CPSF4: variants seen among roughly 807,000 people sequenced by gnomAD.
The protein encoded by CPSF4 is cleavage and polyadenylation specific factor 4.
In CPSF4, 11 loss-of-function variants were observed where a neutral mutation model predicts 37.7. That is an observed-to-expected ratio of 0.29 (90% CI 0.18 to 0.48). CPSF4 has a LOEUF of 0.48. Ranked by LOEUF, CPSF4 falls within the 20% of genes least tolerant of loss-of-function variation. CPSF4 has a pLI of 0.99. For missense variants in CPSF4, 144 were observed against 359.5 expected (o/e 0.40, Z 4.85); for synonymous variants, 132 against 135.9 (o/e 0.97, Z 0.20).
In CPSF4 at chr7:99,448,035, G is replaced by A; in HGVS notation, c.155-86G>A. The A allele has an allele frequency of 7.1e-7, 1 of 1,413,754 alleles. No individual in the cohort carries two copies. Among genetic ancestry groups the A allele is most frequent in the Non-Finnish European group, 9.8e-7 (1 of 1,021,820 alleles). The allele number at this position is 1,413,754 out of a possible 1,614,324, so 87.6% of individuals were successfully genotyped here. On this transcript the variant is annotated intron_variant, in intron 2 of 7. Transcript: ENST00000292476. The surrounding 1 kb of genome is among the most constrained non-coding windows in gnomAD (Gnocchi z 4.4). ...TTCAGGTGGCTCCAGGAGTTAGGAAGTGAAGGTACCTCAGCTTCTTCAGGC... is the reference window on the plus strand; with the variant it reads ...TTCAGGTGGCTCCAGGAGTTAGGAAATGAAGGTACCTCAGCTTCTTCAGGC...
chr7:99,456,475 AC>A lies in CPSF4; in HGVS notation c.786del (p.Leu263TrpfsTer57). On this transcript the variant is annotated frameshift_variant, in exon 8 of 8. Transcript: ENST00000292476. LOFTEE classifies it high-confidence loss of function. ...TACGCCAACAGATGCACCAAAGGGC[AC>A]TTGGCCTTTCTCAGTGGACAGTGAC... ...GHYANRCTKG[H>X]LAFLSGQ 1 of 1,614,142 alleles carries A rather than the reference AC, an allele frequency of 6.2e-7. No individual in the cohort carries two copies. The highest frequency in any genetic ancestry group is 8.5e-7 in the Non-Finnish European group (1 of 1,180,034).
intron 5 of CPSF4, among the ~76,000 whole-genome samples, chr7:99,452,038 G>T (rs913906914): frequency 6.6e-6 from 1 of 152,206 alleles, no homozygotes; most frequent in Admixed American, 6.5e-5. Context: ...CCTGTGTACA[G>T]CTCCTGTGGC....
Position 99,457,335 on chromosome 7 carries a change from G to T in CPSF4, c.*835G>T, listed in dbSNP as rs1798379105. On this transcript the variant is annotated 3_prime_UTR_variant, in exon 8 of 8. Transcript: ENST00000292476. ...TGGGCCTGGCTGTGTTCAATTGCAA[G>T]AACAATTTTTATGAAATGGATTAAA... The T allele has an allele frequency of 6.5e-6, 1 of 152,754 alleles. No homozygotes were observed. The highest frequency in any genetic ancestry group is 1.5e-5 in the Non-Finnish European group (1 of 68,124). 9.5% of individuals were successfully genotyped at this position (152,754 alleles called of 1,614,324 possible).
chr7:99,440,674 A>ATATATTTTTTT, intron 1 of CPSF4, among the ~76,000 whole-genome samples: 5 of 88,130 alleles, frequency 5.7e-5, no homozygotes, highest in African/African-American at 1.9e-4. Context: ...ATATATATAT[A>ATATATTTTTTT]TTTTTTTTTT....
At chr7:99,455,691 G>C (rs13243267) in intron 7 of CPSF4, among the ~76,000 whole-genome samples, 18,330 of 152,184 alleles carry the variant, frequency 0.12, 1,388 homozygotes, top group African/African-American at 0.21. Flanking sequence ...TGCCGTTTTA[G>C]GAGTCATAGA....
chr7:99,440,674 A>ATATATATATATTTTTTTT lies in CPSF4; in HGVS notation c.103+1490_103+1491insATATATATATTTTTTTTT. ...ACCTGGCATATATATATATATATAT[A>ATATATATATATTTTTTTT]TTTTTTTTTTTTTTTTTTTCCTGCC... On this transcript the variant is annotated intron_variant, in intron 1 of 7. Transcript: ENST00000292476. Among the ~76,000 whole-genome samples the ATATATATATATTTTTTTT allele has an allele frequency of 3.2e-4, 28 of 88,056 alleles. No individual in the cohort carries two copies. In the East Asian group the frequency reaches 4.1e-3, roughly 13 times the overall value. 57.8% of individuals were successfully genotyped at this position (88,056 alleles called of 152,430 possible).
At chr7:99,452,835 C>A in intron 6 of CPSF4, 1 of 187,768 alleles carries the variant, frequency 5.3e-6, no homozygotes, top group Non-Finnish European at 1.1e-5. Context: ...CCGAGACTAC[C>A]AGAGGGAGGG....
intron 1 of CPSF4, among the ~76,000 whole-genome samples, chr7:99,440,664 ATATATATATATTTT>A (rs1796842312): frequency 1.1e-5 from 1 of 89,004 alleles, no homozygotes; most frequent in Non-Finnish European, 1.8e-5. Context: ...GCATATATAT[ATATATATATATTTT>A]TTTTTTTTTT....
intron 1 of CPSF4, among the ~76,000 whole-genome samples, chr7:99,440,465 C>G (rs1169683906): frequency 6.6e-6 from 1 of 151,814 alleles, no homozygotes; most frequent in Admixed American, 6.6e-5. Context: ...CCTCCCACCT[C>G]AGTCTCCCAA....
intron 1 of CPSF4, chr7:99,443,177 T>G: frequency 1.3e-6 from 1 of 784,238 alleles, no homozygotes; most frequent in Admixed American, 1.7e-5. Context: ...AGCTCACAGG[T>G]ACACTGAATT....
chr7:99,442,812 G>GTA (rs1422263939), intron 1 of CPSF4: 1 of 828,514 alleles, frequency 1.2e-6, no homozygotes, highest in Non-Finnish European at 2.1e-6. Context: ...ACTGCATTTA[G>GTA]TATATATGTG....
In CPSF4 at chr7:99,440,409, C is replaced by T. The variant is rs375220524; in HGVS notation, c.103+1224C>T. Among the ~76,000 whole-genome samples the T allele has an allele frequency of 7.9e-5, 12 of 151,744 alleles. No individual in the cohort carries two copies. In the South Asian group the frequency reaches 1.0e-3, roughly 13 times the overall value. ...CTGTCGCCCAGGCTGGGTGCAGTGA[C>T]GCAATCATGGCTCAATGCAGCCTCG... On this transcript the variant is annotated intron_variant, in intron 1 of 7. Coordinates refer to ENST00000292476, the MANE Select transcript of CPSF4 (RefSeq NM_006693.4).
Position 99,448,065 on chromosome 7 carries a change from T to C in CPSF4, c.155-56T>C. Reference sequence around the variant, plus strand: ...GGTACCTCAGCTTCTTCAGGCCGTGTCCCCCAGGCTCAGGGTGGCCTCTCT... The same window carrying C: ...GGTACCTCAGCTTCTTCAGGCCGTGCCCCCCAGGCTCAGGGTGGCCTCTCT... On this transcript the variant is annotated intron_variant, in intron 2 of 7. Coordinates refer to ENST00000292476, the MANE Select transcript of CPSF4 (RefSeq NM_006693.4). The surrounding 1 kb of genome is among the most constrained non-coding windows in gnomAD (Gnocchi z 4.4). The C allele has an allele frequency of 6.3e-7, 1 of 1,584,714 alleles. No individual in the cohort carries two copies. Among genetic ancestry groups the C allele is most frequent in the South Asian group, 1.1e-5 (1 of 88,408 alleles).
intron 1 of CPSF4, chr7:99,441,558 T>G: frequency 4.4e-6 from 2 of 456,164 alleles, no homozygotes; most frequent in South Asian, 1.5e-5. Flanking sequence ...CCATCTGAGT[T>G]TTGGGAAGAA....
intron 1 of CPSF4, chr7:99,441,331 G>C (rs1474744794): frequency 2.5e-5 from 11 of 447,572 alleles, no homozygotes; most frequent in Admixed American, 7.1e-5. Context: ...CCACCCTTCT[G>C]CCATCTGACA....
rs923878605 is a variant in CPSF4, at chr7:99,453,456, G to C, written c.571-510G>C. ...GGCCAGAGCCAGGAGCCCACCTGGTGGGGAGGAGGCCCTGCTGTGGAATCC... is the reference window on the plus strand; with the variant it reads ...GGCCAGAGCCAGGAGCCCACCTGGTCGGGAGGAGGCCCTGCTGTGGAATCC... On this transcript the variant is annotated intron_variant, in intron 6 of 7. Transcript: ENST00000292476. The surrounding 1 kb of genome is among the most constrained non-coding windows in gnomAD (Gnocchi z 4.7). The C allele has an allele frequency of 1.3e-5, 2 of 152,342 alleles. No individual in the cohort carries two copies. The highest frequency in any genetic ancestry group is 4.8e-5 in the African/African-American group (2 of 41,448). The allele number at this position is 152,342 out of a possible 1,614,324, so 9.4% of individuals were successfully genotyped here.
intron 2 of CPSF4, among the ~76,000 whole-genome samples, chr7:99,445,412 CAA>C (rs35628302): frequency 1.4e-5 from 2 of 142,284 alleles, no homozygotes; most frequent in Non-Finnish European, 1.5e-5. Context: ...GACTCTATCT[CAA>C]AAAAAAAAAA....
chr7:99,452,443 AC>A lies in CPSF4; in HGVS notation c.570+5del. 4 of 1,613,414 alleles carry A rather than the reference AC, an allele frequency of 2.5e-6. No individual in the cohort carries two copies. Among genetic ancestry groups the A allele is most frequent in the Non-Finnish European group, 3.4e-6 (4 of 1,179,528 alleles). On this transcript the variant is annotated splice_donor_region_variant and intron_variant, in intron 6 of 7. Coordinates refer to ENST00000292476, the MANE Select transcript of CPSF4 (RefSeq NM_006693.4). ...AGCAGACACAGCCTCCAGCAAAGGT[AC>A]CGTGCCTGGCCTTCCTCGGTAGGAA...
chr7:99,454,750 G>C (rs907878016), intron 7 of CPSF4, among the ~76,000 whole-genome samples: 3 of 152,190 alleles, frequency 2.0e-5, no homozygotes, highest in Non-Finnish European at 4.4e-5. Context: ...TACAAACTAA[G>C]TTTTCTAATC....
Sources: gnomAD v4.1 joint callset for allele counts (sites outside exome capture counted in the v4.1 genomes callset) on GRCh38, gnomAD v4.1.1 for gene constraint, Gnocchi (gnomAD v3.1) non-coding constraint, MANE v1.5 for transcripts, NCBI Gene and HGNC (gene_info 2026-07-23, HGNC 2026-07-21) for gene names.